Variants in RSPH10B observed in about 807,000 individuals in gnomAD.
The protein encoded by RSPH10B is radial spoke head 10 homolog B, also known as radial spoke head 10 homolog B (Chlamydomonas).
Under a neutral mutation model 52.5 loss-of-function variants are expected in RSPH10B, and 7 were observed. The observed-to-expected ratio is 0.13, with a 90% CI of 0.08 to 0.25. The LOEUF (loss-of-function observed/expected upper bound fraction) is 0.25, where lower values mean the gene tolerates loss of function less well. RSPH10B is among the 10% of genes least tolerant of loss of function. The pLI is 1.00. For missense variants in RSPH10B, 89 were observed against 542.5 expected (o/e 0.16, Z 8.30); for synonymous variants, 28 against 193.2 (o/e 0.14, Z 7.09).
chr7:5,937,322 G>T (rs1779974851), intron 15 of RSPH10B, among the ~76,000 whole-genome samples: 1 of 141,842 alleles, frequency 7.1e-6, no homozygotes, highest in African/African-American at 2.5e-5. Context: ...TTCTGGAAGG[G>T]TTAGTAAAGC....
Position 5,929,019 on chromosome 7 carries a change from CT to C in RSPH10B, c.2234-626del, listed in dbSNP as rs965208652. The stretch of plus-strand genomic sequence containing the variant: ...AAAAACTCGTTTCTCTTGCTTTTTT[CT>C]TTTTTTTTTAAAGACAAGCTCTCTA... On this transcript the variant is annotated intron_variant, in intron 17 of 18. Coordinates refer to ENST00000337579, the Ensembl canonical transcript of RSPH10B. 1.4e-4 allele frequency among the ~76,000 whole-genome samples: 19 copies of C among 139,192 alleles called. 2 individuals carry two copies. Among genetic ancestry groups the C allele is most frequent in the African/African-American group, 3.0e-4 (11 of 37,142 alleles). 91.3% of individuals were successfully genotyped at this position (139,192 alleles called of 152,430 possible). A position where few individuals can be genotyped will look rare whatever the true frequency, so the allele number is the denominator to read the frequency against.
chr7:5,947,699 G>C (rs1418495168), intron 10 of RSPH10B, among the ~76,000 whole-genome samples: 1 of 96,824 alleles, frequency 1.0e-5, no homozygotes, highest in Non-Finnish European at 2.2e-5. Context: ...TGGGCAACAA[G>C]AGTGAAACTC....
At chr7:5,929,147 G>A (rs1354719690) in intron 17 of RSPH10B, among the ~76,000 whole-genome samples, 1 of 145,766 alleles carries the variant, frequency 6.9e-6, no homozygotes, top group Non-Finnish European at 1.5e-5. Context: ...TAATAGCTGA[G>A]AATACAGGCA....
At chr7:5,942,372 G>A (rs1445998927) in intron 13 of RSPH10B, among the ~76,000 whole-genome samples, 10 of 131,894 alleles carry the variant, frequency 7.6e-5, no homozygotes, top group East Asian at 4.0e-4. Context: ...GACTACAGGC[G>A]TGCACTACCA....
intron 17 of RSPH10B, among the ~76,000 whole-genome samples, chr7:5,931,997 A>G (rs1238085647): frequency 2.7e-5 from 4 of 150,890 alleles, no homozygotes; most frequent in Non-Finnish European, 1.5e-5. Flanking sequence ...TCAAAAAAAG[A>G]AAAAGAAAAG....
chr7:5,941,235 G>A (rs185979620), intron 13 of RSPH10B, among the ~76,000 whole-genome samples: 2 of 143,594 alleles, frequency 1.4e-5, no homozygotes, highest in African/African-American at 5.1e-5. Context: ...CCGGGAGGTT[G>A]AGGTTGCAGG....
intron 12 of RSPH10B, 95 bp downstream of exon 14, chr7:5,943,816 G>A (rs1434290916): frequency 1.1e-5 from 16 of 1,489,266 alleles, no homozygotes; most frequent in Non-Finnish European, 1.5e-5. Flanking sequence ...CAAAGTGCTG[G>A]GATTGCAGGA....
chr7:5,932,212 CAGAG>C (rs1255163552), intron 17 of RSPH10B, among the ~76,000 whole-genome samples: 4 of 122,478 alleles, frequency 3.3e-5, no homozygotes, highest in South Asian at 2.3e-4. Flanking sequence ...AGTCAGCAGA[CAGAG>C]AGGCCTCAAG....
chr7:5,927,043 G>GTT (rs1177030635), intron 18 of RSPH10B, among the ~76,000 whole-genome samples: 2 of 33,812 alleles, frequency 5.9e-5, no homozygotes, highest in Non-Finnish European at 1.2e-4. Flanking sequence ...GTGTGTGTGT[G>GTT]TGTATTATGT....
At chr7:5,963,943 TG>T (rs1315516656) in intron 3 of RSPH10B, among the ~76,000 whole-genome samples, 9 of 149,718 alleles carry the variant, frequency 6.0e-5, no homozygotes, top group African/African-American at 2.2e-4. Context: ...AGCCGCGTGC[TG>T]CGGAGCACAC....
At chr7:5,954,265 A>AT (rs1780674103) in intron 7 of RSPH10B, among the ~76,000 whole-genome samples, 1 of 66,518 alleles carries the variant, frequency 1.5e-5, no homozygotes, top group Non-Finnish European at 2.8e-5. Context: ...CAGCCTCCCG[A>AT]GTGGCTGGGA....
chr7:5,930,957 A>G (rs1411162200), intron 17 of RSPH10B, among the ~76,000 whole-genome samples: 2 of 90,462 alleles, frequency 2.2e-5, no homozygotes, highest in African/African-American at 8.1e-5. Flanking sequence ...TTTTTTTGAT[A>G]TGGAGTCTCA....
At chr7:5,942,023 G>T (rs1328979808) in intron 13 of RSPH10B, among the ~76,000 whole-genome samples, 1 of 149,618 alleles carries the variant, frequency 6.7e-6, no homozygotes, top group Non-Finnish European at 1.5e-5. Context: ...CTCCGAAGTG[G>T]CTGGGATTAC....
At chr7:5,927,070 ATGTGTGTGTGTG>A (rs748036363) in intron 18 of RSPH10B, among the ~76,000 whole-genome samples, 8 of 110,690 alleles carry the variant, frequency 7.2e-5, no homozygotes, top group South Asian at 3.0e-4. Context: ...GTGTGTGTAT[ATGTGTGTGTGTG>A]TGTGTGTGTG....
At chr7:5,927,076 G>C (rs200124138) in intron 18 of RSPH10B, among the ~76,000 whole-genome samples, 1 of 131,610 alleles carries the variant, frequency 7.6e-6, no homozygotes, top group Admixed American at 7.6e-5. Context: ...GTATATGTGT[G>C]TGTGTGTGTG....
intron 18 of RSPH10B, among the ~76,000 whole-genome samples, chr7:5,927,084 G>GTATATATATA (rs1164900886): frequency 2.3e-4 from 24 of 106,556 alleles, no homozygotes; most frequent in African/African-American, 3.0e-4. Context: ...GTGTGTGTGT[G>GTATATATATA]TGTGTGTGTG....
At chr7:5,955,085 C>T (rs74414569) in intron 7 of RSPH10B, among the ~76,000 whole-genome samples, 366 of 125,966 alleles carry the variant, frequency 2.9e-3, no homozygotes, top group African/African-American at 4.6e-3. Flanking sequence ...GAATCACTTG[C>T]GCCCGGGAGG....
intron 18 of RSPH10B, among the ~76,000 whole-genome samples, chr7:5,927,030 T>TGG: frequency 5.5e-5 from 2 of 36,576 alleles, no homozygotes; most frequent in African/African-American, 1.2e-4. Context: ...TACGTGTGTG[T>TGG]GTGTGTGTGT....
intron 13 of RSPH10B, among the ~76,000 whole-genome samples, chr7:5,942,470 T>C (rs1780245761): frequency 2.3e-5 from 3 of 132,758 alleles, no homozygotes; most frequent in Admixed American, 8.1e-5. Flanking sequence ...GCTCAAGTGA[T>C]CCTCCTGCCT....
Sources: allele counts gnomAD v4.1 joint callset (sites outside exome capture counted in the v4.1 genomes callset), GRCh38; gene constraint gnomAD v4.1.1; transcripts MANE v1.5; gene names NCBI Gene and HGNC (gene_info 2026-07-23, HGNC 2026-07-21).